CNTN4: variants seen among roughly 807,000 people sequenced by gnomAD.
The protein encoded by CNTN4 is contactin-4.
A neutral mutation model predicts 122.5 loss-of-function variants in CNTN4; 77 were observed. The observed-to-expected ratio is 0.63, with a 90% CI of 0.52 to 0.76. The LOEUF (loss-of-function observed/expected upper bound fraction) is 0.76. Among genes scored for constraint, CNTN4 ranks in the 30% least tolerant of loss-of-function variants. The pLI is 0.00. For synonymous variants in CNTN4, 512 were observed against 447.0 expected (o/e 1.15, Z -1.83); for missense variants, 1,256 against 1,259.1 (o/e 1.00, Z 0.04).
Position 2,611,745 on chromosome 3 carries a change from T to C in CNTN4, c.55+40187T>C, listed in dbSNP as rs59060826. ...TGAGAACAACAAATTTTAAAGAAGC[T>C]GTCTTGAACATTTGGGGAATAGAGG... is the stretch of plus-strand genomic sequence containing the variant. On this transcript the variant is annotated intron_variant, in intron 4 of 24. Coordinates refer to ENST00000418658, the MANE Select transcript of CNTN4 (RefSeq NM_175607.3). Among the ~76,000 whole-genome samples the C allele has an allele frequency of 6.3e-3, 959 of 152,266 alleles. 16 individuals are homozygous for C. The highest frequency in any genetic ancestry group is 0.022 in the African/African-American group (906 of 41,566).
chr3:2,236,342 G>A (rs1559366933), intron 2 of CNTN4, among the ~76,000 whole-genome samples: 1 of 152,150 alleles, frequency 6.6e-6, no homozygotes, highest in Non-Finnish European at 1.5e-5. Flanking sequence ...TGTGAACTGG[G>A]ATAATACCAT....
At chr3:2,169,846 G>T (rs936800535) in intron 2 of CNTN4, among the ~76,000 whole-genome samples, 3 of 149,410 alleles carry the variant, frequency 2.0e-5, no homozygotes, top group Admixed American at 2.0e-4. Context: ...GATTATAGTT[G>T]GTAAAATGAA....
At chr3:2,216,098 C>T (rs1013546374) in intron 2 of CNTN4, among the ~76,000 whole-genome samples, 3 of 152,048 alleles carry the variant, frequency 2.0e-5, no homozygotes, top group African/African-American at 7.3e-5. Flanking sequence ...ATGTTCACTG[C>T]AGCACTCTTC....
chr3:2,346,957 A>T (rs1300930644), intron 3 of CNTN4, among the ~76,000 whole-genome samples: 1 of 151,970 alleles, frequency 6.6e-6, no homozygotes, highest in Non-Finnish European at 1.5e-5. Flanking sequence ...TGCATTCTTA[A>T]ACATATTTGG....
chr3:2,490,032 G>T (rs887169079), intron 3 of CNTN4, among the ~76,000 whole-genome samples: 10 of 151,372 alleles, frequency 6.6e-5, no homozygotes, highest in African/African-American at 2.2e-4. Flanking sequence ...ATCCTATACA[G>T]AGGTTTCTGA....
chr3:2,866,658 T>A (rs575538921), intron 7 of CNTN4, 94 bp from the exon 8 acceptor site: 1 of 1,291,608 alleles, frequency 7.7e-7, no homozygotes, highest in African/African-American at 1.5e-5. Context: ...TGGACAACAA[T>A]GTATACATTT....
intron 13 of CNTN4, among the ~76,000 whole-genome samples, chr3:2,946,704 C>CTTTTTTTTT (rs55883455): frequency 1.7e-5 from 2 of 119,388 alleles, no homozygotes; most frequent in Non-Finnish European, 3.4e-5. Context: ...TTTTTTTTTT[C>CTTTTTTTTT]TTTTTTTTTT....
At chr3:2,849,168 A>T (rs190412245) in intron 7 of CNTN4, among the ~76,000 whole-genome samples, 1 of 152,348 alleles carries the variant, frequency 6.6e-6, no homozygotes, top group African/African-American at 2.4e-5. Context: ...TGATTCTCCT[A>T]AAACTGTATC....
chr3:2,277,349 T>G (rs919653205), intron 2 of CNTN4, among the ~76,000 whole-genome samples: 3 of 151,984 alleles, frequency 2.0e-5, no homozygotes, highest in African/African-American at 7.2e-5. Context: ...ACTAAGAAAA[T>G]GACTTTTGAA....
At chr3:3,037,437 C>T (rs1239171246) in intron 18 of CNTN4, 109 bp downstream of exon 18, 1 of 1,420,440 alleles carries the variant, frequency 7.0e-7, no homozygotes, top group African/African-American at 1.4e-5. Context: ...TGTGTTAGCT[C>T]ACCCTTCCCT....
At chr3:2,627,324 A>C (rs1350175009) in intron 4 of CNTN4, among the ~76,000 whole-genome samples, 3 of 152,122 alleles carry the variant, frequency 2.0e-5, no homozygotes, top group Admixed American at 6.5e-5. Flanking sequence ...CCTTCCAGTC[A>C]TTCTTGCAAG....
At chr3:2,234,912 C>T (rs1351854738) in intron 2 of CNTN4, among the ~76,000 whole-genome samples, 1 of 152,070 alleles carries the variant, frequency 6.6e-6, no homozygotes, top group Non-Finnish European at 1.5e-5. Flanking sequence ...ACTTGTCTTT[C>T]TTGTTGCTTG....
intron 4 of CNTN4, among the ~76,000 whole-genome samples, chr3:2,685,033 G>A (rs1429210513): frequency 6.6e-6 from 1 of 152,080 alleles, no homozygotes; most frequent in Admixed American, 6.5e-5. Context: ...TTAGCGATTA[G>A]CTTTTTTTTA....
chr3:2,372,917 G>A (rs1018278085), intron 3 of CNTN4, among the ~76,000 whole-genome samples: 2 of 152,008 alleles, frequency 1.3e-5, no homozygotes, highest in Non-Finnish European at 2.9e-5. Context: ...GCATGGTGGC[G>A]TGCACCTGTA....
intron 4 of CNTN4, among the ~76,000 whole-genome samples, chr3:2,654,930 A>G (rs970259286): frequency 2.0e-5 from 3 of 152,166 alleles, no homozygotes; most frequent in African/African-American, 4.8e-5. Flanking sequence ...GACATCTTAC[A>G]TGCAGCCAAA....
intron 4 of CNTN4, among the ~76,000 whole-genome samples, chr3:2,627,756 G>A (rs1254829775): frequency 2.0e-5 from 3 of 152,100 alleles, no homozygotes; most frequent in East Asian, 3.9e-4. Context: ...GCCTCCCAAA[G>A]TGCTGGGATT....
chr3:2,384,978 A>C (rs1041829226), intron 3 of CNTN4, among the ~76,000 whole-genome samples: 2 of 151,972 alleles, frequency 1.3e-5, no homozygotes, highest in African/African-American at 4.8e-5. Context: ...ATTTGGCTTG[A>C]AAGTCATTGT....
At chr3:3,017,543 CA>C (rs958905909) in intron 14 of CNTN4, among the ~76,000 whole-genome samples, 3 of 151,948 alleles carry the variant, frequency 2.0e-5, no homozygotes, top group Non-Finnish European at 4.4e-5. Flanking sequence ...CTGGGGCAGA[CA>C]AAAAAAATTC....
chr3:3,040,298 G>T (rs1415446336), intron 20 of CNTN4, 27 bp downstream of exon 20: 2 of 1,491,286 alleles, frequency 1.3e-6, no homozygotes, highest in African/African-American at 1.4e-5. Context: ...CTAGATCATT[G>T]ACTGTTAATA....
Sources: gnomAD v4.1 joint callset for allele counts (sites outside exome capture counted in the v4.1 genomes callset) on GRCh38, gnomAD v4.1.1 for gene constraint, MANE v1.5 for transcripts, NCBI Gene and HGNC (gene_info 2026-07-23, HGNC 2026-07-21) for gene names.